TTBK2: variants seen among roughly 807,000 people sequenced by gnomAD.
TTBK2 encodes the protein tau-tubulin kinase 2.
TTBK2 carries 28 observed loss-of-function variants against 110.8 expected under a neutral mutation model. The observed-to-expected ratio is 0.25, with a 90% CI of 0.19 to 0.35. TTBK2 has a LOEUF of 0.35. Ranked by LOEUF, TTBK2 falls within the 10% of genes least tolerant of loss-of-function variation. The probability of loss-of-function intolerance (pLI) is 1.00; values close to 1 mark genes in which losing one functional copy is unlikely to be tolerated. For missense variants in TTBK2, 1,369 were observed against 1,500.3 expected (o/e 0.91, Z 1.45); for synonymous variants, 532 against 527.3 (o/e 1.01, Z -0.12).
chr15:42,764,967 T>G (rs1889288684), intron 13 of TTBK2, among the ~76,000 whole-genome samples: 1 of 152,252 alleles, frequency 6.6e-6, no homozygotes, highest in South Asian at 2.1e-4. Context: ...CTGCAGCCTC[T>G]GCTGGTGATA....
chr15:42,794,555 G>T, intron 10 of TTBK2, 89 bp downstream of exon 10: 1 of 1,555,478 alleles, frequency 6.4e-7, no homozygotes. Flanking sequence ...CTTAGCATTT[G>T]GTCATCTGAG....
chr15:42,798,867 AGAG>A (rs1891056586), intron 9 of TTBK2, among the ~76,000 whole-genome samples: 1 of 152,150 alleles, frequency 6.6e-6, no homozygotes, highest in Non-Finnish European at 1.5e-5. Context: ...GAGGAGGAAA[AGAG>A]GAGGGAGAAC....
In TTBK2 at chr15:42,739,265, T is replaced by G. The variant is rs147972073; in HGVS notation, c.*6530A>C. ...TTCAAAGAGTAGTTTCTCATCTCTC[T>G]GATTTCAGGAAGAGGAGAAGAGAGG... On this transcript the variant is annotated 3_prime_UTR_variant, in exon 15 of 15. Transcript: ENST00000267890. The G allele has an allele frequency of 1.3e-3, 195 of 152,330 alleles. No individual in the cohort carries two copies. The highest frequency in any genetic ancestry group is 4.6e-3 in the African/African-American group (191 of 41,580). The allele number at this position is 152,330 out of a possible 1,614,324, so 9.4% of individuals were successfully genotyped here.
intron 9 of TTBK2, among the ~76,000 whole-genome samples, chr15:42,800,793 T>C (rs979563031): frequency 1.3e-5 from 2 of 151,550 alleles, no homozygotes; most frequent in African/African-American, 2.4e-5. Flanking sequence ...AATTGTTTCA[T>C]AGCTGGAGGC....
rs71108183 is a variant in TTBK2, at chr15:42,815,958, A to AAAAAATATAT, written c.603+1073_603+1074insATATATTTTT. 9.2e-4 allele frequency among the ~76,000 whole-genome samples: 84 copies of AAAAAATATAT among 91,692 alleles called. 5 individuals carry two copies. Among genetic ancestry groups the AAAAAATATAT allele is most frequent in the African/African-American group, 5.0e-3 (80 of 16,140 alleles). The allele number at this position is 91,692 out of a possible 152,430, so 60.2% of individuals were successfully genotyped here. ...TATATATATATATATTTAAAAAAAA[A>AAAAAATATAT]ATATATATATATATATATATTTGAG... On this transcript the variant is annotated intron_variant, in intron 7 of 14. Transcript: ENST00000267890.
chr15:42,871,529 G>A (rs1894614060), intron 3 of TTBK2: 1 of 985,160 alleles, frequency 1.0e-6, no homozygotes. Flanking sequence ...CCCTTCATGG[G>A]CTTGGCTGAT....
chr15:42,901,605 A>G (rs2030016551), intron 1 of TTBK2, among the ~76,000 whole-genome samples: 1 of 149,540 alleles, frequency 6.7e-6, no homozygotes, highest in Admixed American at 6.7e-5. Context: ...AAATAGCGAG[A>G]CCTCGTCTCT....
rs184019847 is a variant in TTBK2, at chr15:42,825,341, T to C, written c.537+2587A>G. Reference sequence around the variant, plus strand: ...CAAAGAAATTAGTTAACACAAAATATAGAATGGAGAGTATGTCAAGGGCTG... The same window carrying C: ...CAAAGAAATTAGTTAACACAAAATACAGAATGGAGAGTATGTCAAGGGCTG... On this transcript the variant is annotated intron_variant, in intron 6 of 14. Transcript: ENST00000267890. Among the ~76,000 whole-genome samples the C allele has an allele frequency of 1.3e-3, 198 of 152,148 alleles. 2 individuals are homozygous for C. Among genetic ancestry groups the C allele is most frequent in the Admixed American group, 2.1e-3 (32 of 15,280 alleles).
chr15:42,796,891 A>T lies in TTBK2; in HGVS notation c.823-2090T>A, dbSNP rs149706925. Among the ~76,000 whole-genome samples the T allele has an allele frequency of 3.7e-3, 571 of 152,374 alleles. 2 individuals are homozygous for T. The highest frequency in any genetic ancestry group is 0.013 in the African/African-American group (546 of 41,590). ...CAAAAGGAAGAATTGTAAATACAGA[A>T]AAAGAAACTAAAAAGATAAAGGGAA... On this transcript the variant is annotated intron_variant, in intron 9 of 14. Transcript: ENST00000267890.
chr15:42,904,868 T>C (rs1393076614), intron 1 of TTBK2, among the ~76,000 whole-genome samples: 1 of 151,982 alleles, frequency 6.6e-6, no homozygotes, highest in Non-Finnish European at 1.5e-5. Flanking sequence ...CATCAAACTG[T>C]ATATAATTTT....
intron 3 of TTBK2, among the ~76,000 whole-genome samples, chr15:42,867,868 C>T (rs570668030): frequency 4.6e-5 from 7 of 152,168 alleles, no homozygotes; most frequent in Non-Finnish European, 8.8e-5. Context: ...TATATCCACA[C>T]AAAAATCTGC....
intron 13 of TTBK2, among the ~76,000 whole-genome samples, chr15:42,763,143 C>CATATATATATACATATAT (rs2062063829): frequency 7.8e-5 from 4 of 51,152 alleles, no homozygotes; most frequent in African/African-American, 1.1e-4. Context: ...TATATACATA[C>CATATATATATACATATAT]ATATATATAT....
intron 1 of TTBK2, among the ~76,000 whole-genome samples, chr15:42,905,428 G>C (rs954336568): frequency 2.6e-5 from 4 of 151,630 alleles, no homozygotes; most frequent in African/African-American, 9.7e-5. Context: ...CACACACCTA[G>C]CTAAATTTTT....
chr15:42,857,969 G>C (rs1451804183), intron 3 of TTBK2, among the ~76,000 whole-genome samples: 1 of 152,084 alleles, frequency 6.6e-6, no homozygotes, highest in Non-Finnish European at 1.5e-5. Context: ...TGTCGTCCCA[G>C]CTACTAGGGA....
chr15:42,802,404 C>T (rs1355187771), intron 9 of TTBK2: 9 of 748,548 alleles, frequency 1.2e-5, no homozygotes, highest in Non-Finnish European at 2.0e-5. Context: ...CCCTGATGGA[C>T]ATGGTGGAGG....
chr15:42,806,539 C>A (rs1891476625), intron 9 of TTBK2, among the ~76,000 whole-genome samples: 1 of 152,216 alleles, frequency 6.6e-6, no homozygotes, highest in Non-Finnish European at 1.5e-5. Flanking sequence ...CTGACTCTTT[C>A]CAACCTCACC....
At chr15:42,794,239 G>A (rs1890834875) in intron 10 of TTBK2, among the ~76,000 whole-genome samples, 1 of 152,052 alleles carries the variant, frequency 6.6e-6, no homozygotes, top group Non-Finnish European at 1.5e-5. Flanking sequence ...ACATTATGAA[G>A]GTTAAATCAC....
chr15:42,789,854 T>TACACACACACACACACACACAC (rs58536399), intron 10 of TTBK2, among the ~76,000 whole-genome samples: 2,772 of 147,850 alleles, frequency 0.019, 35 homozygotes, highest in African/African-American at 0.026. Flanking sequence ...ATACATACAA[T>TACACACACACACACACACACAC]ACACACACAC....
chr15:42,888,965 G>T (rs985836633), intron 1 of TTBK2, among the ~76,000 whole-genome samples: 12 of 152,036 alleles, frequency 7.9e-5, no homozygotes, highest in Non-Finnish European at 1.6e-4. Flanking sequence ...TCTCACACAA[G>T]ACAAATGGTC....
Sources: allele counts gnomAD v4.1 joint callset (sites outside exome capture counted in the v4.1 genomes callset), GRCh38; gene constraint gnomAD v4.1.1; transcripts MANE v1.5; gene names NCBI Gene and HGNC (gene_info 2026-07-23, HGNC 2026-07-21).